Variants in BMERB1 observed in about 807,000 individuals in gnomAD.
BMERB1 encodes the protein bMERB domain-containing protein 1.
A neutral mutation model predicts 23.6 loss-of-function variants in BMERB1; 12 were observed. That is an observed-to-expected ratio of 0.51 (90% CI 0.33 to 0.82). BMERB1 has a LOEUF of 0.82. Ranked by LOEUF, BMERB1 falls within the 40% of genes least tolerant of loss-of-function variation. The pLI is 0.03. For missense variants in BMERB1, 247 were observed against 255.4 expected, an observed-to-expected ratio of 0.97 and a Z score of 0.22; for synonymous variants, 122 against 96.6, an observed-to-expected ratio of 1.26 and a Z score of -1.54.
intron 1 of BMERB1, among the ~76,000 whole-genome samples, chr16:15,465,347 ATATATATT>A (rs1489569004): frequency 1.9e-4 from 13 of 67,558 alleles, no homozygotes; most frequent in Admixed American, 1.7e-3. Context: ...CAATGCTAAG[ATATATATT>A]TTTTTTTTTT....
intron 2 of BMERB1, among the ~76,000 whole-genome samples, chr16:15,552,533 T>A (rs1247873972): frequency 6.6e-6 from 1 of 152,092 alleles, no homozygotes; most frequent in Non-Finnish European, 1.5e-5. Flanking sequence ...CTAAGTGCGG[T>A]CCCAGAAACT....
chr16:15,498,659 T>C (rs1372794669), intron 1 of BMERB1, among the ~76,000 whole-genome samples: 8 of 134,366 alleles, frequency 6.0e-5, no homozygotes, highest in Non-Finnish European at 1.3e-4. Context: ...GAAGGGAAGA[T>C]GGAACTAAGG....
At chr16:15,488,767 G>A (rs2051389384) in intron 1 of BMERB1, among the ~76,000 whole-genome samples, 3 of 149,558 alleles carry the variant, frequency 2.0e-5, no homozygotes, top group South Asian at 4.2e-4. Context: ...GGCGTGAACC[G>A]AGATCGCGCC....
intron 1 of BMERB1, among the ~76,000 whole-genome samples, chr16:15,481,708 T>C (rs1003486365): frequency 2.0e-5 from 3 of 151,896 alleles, no homozygotes; most frequent in Non-Finnish European, 4.4e-5. Context: ...TGTGTACTTA[T>C]TTTCTTTTTC....
intron 2 of BMERB1, among the ~76,000 whole-genome samples, chr16:15,560,992 T>C (rs1012845778): frequency 7.3e-6 from 1 of 136,910 alleles, no homozygotes; most frequent in Non-Finnish European, 1.6e-5. Context: ...AGTCTCGCTC[T>C]GTTGCCAGGC....
chr16:15,539,837 G>A (rs1375086288), intron 2 of BMERB1, among the ~76,000 whole-genome samples: 3 of 147,362 alleles, frequency 2.0e-5, no homozygotes, highest in African/African-American at 5.1e-5. Context: ...GCAAGATTCC[G>A]TCTCAAAAAA....
At chr16:15,561,814 C>T (rs997221322) in intron 2 of BMERB1, among the ~76,000 whole-genome samples, 7 of 151,962 alleles carry the variant, frequency 4.6e-5, no homozygotes, top group South Asian at 2.1e-4. Context: ...AATCCTTTTA[C>T]CCCTGGCGTT....
chr16:15,456,761 GA>G (rs1184066312), intron 1 of BMERB1, among the ~76,000 whole-genome samples: 1 of 152,006 alleles, frequency 6.6e-6, no homozygotes, highest in Non-Finnish European at 1.5e-5. Flanking sequence ...TTAACAATTT[GA>G]TAAAGAATGC....
At chr16:15,533,636 T>A (rs368893506) in intron 2 of BMERB1, among the ~76,000 whole-genome samples, 3 of 152,170 alleles carry the variant, frequency 2.0e-5, no homozygotes, top group Non-Finnish European at 2.9e-5. Flanking sequence ...TCTCCTGGGA[T>A]GCAGAGAGAT....
intron 3 of BMERB1, among the ~76,000 whole-genome samples, chr16:15,579,337 T>G (rs2030949950): frequency 6.6e-6 from 1 of 151,938 alleles, no homozygotes; most frequent in African/African-American, 2.4e-5. Context: ...ACCCACAAGA[T>G]TTACCACGGC....
In BMERB1 at chr16:15,515,322, T is replaced by C. The variant is rs767371503; in HGVS notation, c.124T>C (p.Ser42Pro). The C allele has an allele frequency of 2.5e-6, 4 of 1,613,582 alleles. No homozygotes were observed. The highest frequency in any genetic ancestry group is 1.7e-6 in the Non-Finnish European group (2 of 1,179,972). The change falls in exon 2 of 6, where the codon TCC (serine) becomes CCC (proline). Residue 42 changes from serine (S) to proline (P), a missense_variant. Ser to Pro is a moderately conservative substitution (Grantham distance 74). Coordinates refer to ENST00000300006, the MANE Select transcript of BMERB1 (RefSeq NM_033201.3). ...RLGRNQLDII[S>P]MAETTMMPEE... is the part of the protein sequence containing the mutation. ...CTGCACAGATCAGCTGGACATCATC[T>C]CCATGGCGGAGACAACCATGATGCC...
At chr16:15,488,395 C>G (rs1273371597) in intron 1 of BMERB1, among the ~76,000 whole-genome samples, 1 of 152,020 alleles carries the variant, frequency 6.6e-6, no homozygotes, top group East Asian at 1.9e-4. Flanking sequence ...TTTTTCATAC[C>G]CTGCTTTAGG....
intron 1 of BMERB1, among the ~76,000 whole-genome samples, chr16:15,435,193 G>A (rs1285711289): frequency 1.3e-5 from 2 of 152,182 alleles, no homozygotes; most frequent in African/African-American, 2.4e-5. Context: ...CTGGTTTTCC[G>A]CTTGCTTTCC....
In BMERB1 at chr16:15,503,181, A is replaced by G. The variant is rs537438383; in HGVS notation, c.107-12124A>G. The stretch of plus-strand genomic sequence containing the variant: ...TGAAGTGATGTGTAGGCATCCTATT[A>G]GGGATTATAAGTAATCTAGAGATGA... On this transcript the variant is annotated intron_variant, in intron 1 of 5. Coordinates refer to ENST00000300006, the MANE Select transcript of BMERB1 (RefSeq NM_033201.3). Among the ~76,000 whole-genome samples the G allele has an allele frequency of 2.6e-4, 40 of 152,358 alleles. No individual in the cohort carries two copies. The East Asian group carries it at 7.7e-3, about 29-fold the overall frequency.
intron 2 of BMERB1, among the ~76,000 whole-genome samples, chr16:15,516,420 TA>T (rs931384704): frequency 3.0e-4 from 46 of 151,930 alleles, no homozygotes; most frequent in Non-Finnish European, 5.6e-4. Flanking sequence ...AGCCTGTCGC[TA>T]AAAGAAAAAA....
intron 4 of BMERB1, 88 bp downstream of exon 4, chr16:15,581,419 C>CA: frequency 9.2e-7 from 1 of 1,082,890 alleles, no homozygotes; most frequent in Non-Finnish European, 1.3e-6. Flanking sequence ...TCCTGGGACT[C>CA]ACAGCCTTGC....
chr16:15,561,364 G>A (rs1254791811), intron 2 of BMERB1, among the ~76,000 whole-genome samples: 2 of 147,942 alleles, frequency 1.4e-5, no homozygotes, highest in Non-Finnish European at 3.0e-5. Flanking sequence ...TGCCTCCTGG[G>A]TTCAAGCGAT....
chr16:15,547,039 G>A (rs892853670), intron 2 of BMERB1, among the ~76,000 whole-genome samples: 1 of 145,728 alleles, frequency 6.9e-6, no homozygotes, highest in Non-Finnish European at 1.5e-5. Flanking sequence ...TTGAGACAGA[G>A]TCTCGCTCTG....
intron 3 of BMERB1, among the ~76,000 whole-genome samples, chr16:15,577,981 A>T (rs2030912559): frequency 6.6e-6 from 1 of 152,206 alleles, no homozygotes; most frequent in African/African-American, 2.4e-5. Flanking sequence ...TTTCCCTGGC[A>T]CCAGCTGTGA....
Sources: gnomAD v4.1 joint callset for allele counts (sites outside exome capture counted in the v4.1 genomes callset) on GRCh38, gnomAD v4.1.1 for gene constraint, MANE v1.5 for transcripts, NCBI Gene and HGNC (gene_info 2026-07-23, HGNC 2026-07-21) for gene names.